ADRA1A: variants seen among roughly 807,000 people sequenced by gnomAD.
ADRA1A encodes the protein alpha-1A adrenergic receptor.
A neutral mutation model predicts 29.6 loss-of-function variants in ADRA1A; 31 were observed. The ratio of observed to expected loss-of-function variants is 1.05; its 90% CI spans 0.79 to 1.41. The LOEUF (loss-of-function observed/expected upper bound fraction) is 1.41. Ranked by LOEUF, ADRA1A falls within the 40% of genes most tolerant of loss-of-function variation. ADRA1A has a pLI of 0.00. For missense variants in ADRA1A, 619 were observed against 601.1 expected, an observed-to-expected ratio of 1.03 and a Z score of -0.31; for synonymous variants, 311 against 254.3, an observed-to-expected ratio of 1.22 and a Z score of -2.12.
At chr8:26,750,790 C>T (rs1446503272) in intron 2 of ADRA1A, among the ~76,000 whole-genome samples, 3 of 152,182 alleles carry the variant, frequency 2.0e-5, no homozygotes, top group Admixed American at 6.5e-5. Context: ...AAGTTGTAGG[C>T]TGGGTGCAGT....
At chr8:26,760,332 T>G (rs1805435768) in intron 2 of ADRA1A, among the ~76,000 whole-genome samples, 1 of 152,162 alleles carries the variant, frequency 6.6e-6, no homozygotes, top group African/African-American at 2.4e-5. Flanking sequence ...ACCGTCTCAT[T>G]GTGCTCATGA....
chr8:26,831,365 G>A lies in ADRA1A; in HGVS notation c.883+32722C>T, dbSNP rs894015271. ...GAGAAGAGATGCCAATGATGACGAG[G>A]CAGAGAGAGAGAGAGAAGGAGAGAG... On this transcript the variant is annotated intron_variant, in intron 2 of 2. Transcript: ENST00000380573. This position sits in a 1 kb window ranked among gnomAD's most constrained non-coding sequence, Gnocchi z 5.2. 3.3e-5 allele frequency among the ~76,000 whole-genome samples: 5 copies of A among 152,182 alleles called. No individual in the cohort carries two copies. The highest frequency in any genetic ancestry group is 3.3e-4 in the Admixed American group (5 of 15,286).
intron 2 of ADRA1A, among the ~76,000 whole-genome samples, chr8:26,794,537 G>T (rs1323893144): frequency 6.6e-6 from 1 of 152,094 alleles, no homozygotes; most frequent in Non-Finnish European, 1.5e-5. Flanking sequence ...TTAGGTAAAT[G>T]AATGTGTGTG....
chr8:26,782,103 C>G (rs939916646), intron 2 of ADRA1A, among the ~76,000 whole-genome samples: 1 of 152,186 alleles, frequency 6.6e-6, no homozygotes, highest in Non-Finnish European at 1.5e-5. Context: ...TTGTGCGAAG[C>G]AGGAATATGA....
In ADRA1A at chr8:26,837,111, A is replaced by G. The variant is rs566812860; in HGVS notation, c.883+26976T>C. The stretch of plus-strand genomic sequence containing the variant: ...AAGGTAGATATACAATGGCTAGTAT[A>G]TAAGTGCTGAGAGATATTTGTCCTT... On this transcript the variant is annotated intron_variant, in intron 2 of 2. Coordinates refer to ENST00000380573, the MANE Select transcript of ADRA1A (RefSeq NM_000680.4). Among the ~76,000 whole-genome samples, 3 of 152,028 alleles carry G rather than the reference A, an allele frequency of 2.0e-5. No homozygotes were observed. In the East Asian group the frequency reaches 5.8e-4, roughly 29 times the overall value.
At chr8:26,764,564 G>A (rs73678230), downstream of ADRA1A, among the ~76,000 whole-genome samples, 1,922 of 152,222 alleles carry the variant, frequency 0.013, 44 homozygotes, top group African/African-American at 0.043. Flanking sequence ...GAGGTGTCAT[G>A]GAAAAAGGAG....
chr8:26,793,912 G>A (rs1808005289), intron 2 of ADRA1A, among the ~76,000 whole-genome samples: 1 of 151,854 alleles, frequency 6.6e-6, no homozygotes. Flanking sequence ...TTCAAAGCTA[G>A]CATAATCTTG....
In ADRA1A at chr8:26,860,764, A is replaced by G. The variant is rs1007377606; in HGVS notation, c.883+3323T>C. Among the ~76,000 whole-genome samples, 2 of 151,768 alleles carry G rather than the reference A, an allele frequency of 1.3e-5. No homozygotes were observed. Among genetic ancestry groups the G allele is most frequent in the Admixed American group, 1.3e-4 (2 of 15,238 alleles). On this transcript the variant is annotated intron_variant, in intron 2 of 2. Coordinates refer to ENST00000380573, the MANE Select transcript of ADRA1A (RefSeq NM_000680.4). This position sits in a 1 kb window ranked among gnomAD's most constrained non-coding sequence, Gnocchi z 4.7. ...ACTTTGCTCTCCTTGTCACTTCCCA[A>G]TGCTCCCCTTGGGCACTGAATCCCG...
At chr8:26,772,468 G>A (rs1242888685) in intron 2 of ADRA1A, among the ~76,000 whole-genome samples, 1 of 152,068 alleles carries the variant, frequency 6.6e-6, no homozygotes. Flanking sequence ...TCACAGCTTC[G>A]TGTACAGTTG....
rs139504085 is a variant in ADRA1A, at chr8:26,802,782, T to C, written c.884-32116A>G. ...GGAGACATCTGCATTCCCATGTTTT[T>C]GGCAACACTATTCACAATAGCCAAG... On this transcript the variant is annotated intron_variant, in intron 2 of 2. Transcript: ENST00000380573. 4.0e-3 allele frequency among the ~76,000 whole-genome samples: 612 copies of C among 152,310 alleles called. 2 individuals are homozygous for C. Among genetic ancestry groups the C allele is most frequent in the Non-Finnish European group, 5.5e-3 (375 of 68,024 alleles).
At chr8:26,853,053 T>A (rs1363093601) in intron 2 of ADRA1A, among the ~76,000 whole-genome samples, 1 of 152,132 alleles carries the variant, frequency 6.6e-6, no homozygotes, top group Non-Finnish European at 1.5e-5. Context: ...AAAGATTATA[T>A]TGATGGATAT....
chr8:26,814,026 C>T (rs1260847614), intron 2 of ADRA1A, among the ~76,000 whole-genome samples: 5 of 152,032 alleles, frequency 3.3e-5, no homozygotes, highest in Non-Finnish European at 5.9e-5. Flanking sequence ...TTAGCTAGCA[C>T]AATATTTTTA....
At chr8:26,797,468 T>C (rs1305992195) in intron 2 of ADRA1A, among the ~76,000 whole-genome samples, 1 of 151,974 alleles carries the variant, frequency 6.6e-6, no homozygotes, top group Non-Finnish European at 1.5e-5. Flanking sequence ...GGCTAATTTT[T>C]TGATTTTTTT....
downstream of ADRA1A, among the ~76,000 whole-genome samples, chr8:26,765,118 G>A (rs1255803870): frequency 6.6e-6 from 1 of 152,164 alleles, no homozygotes; most frequent in Non-Finnish European, 1.5e-5. Flanking sequence ...TGCTTTAAGC[G>A]ACGTCTATGG....
intron 2 of ADRA1A, among the ~76,000 whole-genome samples, chr8:26,788,654 T>C (rs1807584577): frequency 6.6e-6 from 1 of 152,106 alleles, no homozygotes; most frequent in African/African-American, 2.4e-5. Context: ...TTATCCCCAT[T>C]TTACAAATGA....
In ADRA1A at chr8:26,867,105, T is replaced by G; in HGVS notation, c.-856A>C. ...CTGACTCACCCCTCCACCACTGATG[T>G]CTTTAAGCTCCTGAACCGCTGTCAC... On this transcript the variant is annotated 5_prime_UTR_variant, in exon 1 of 3. Coordinates refer to ENST00000380573, the MANE Select transcript of ADRA1A (RefSeq NM_000680.4). 3.0e-6 allele frequency: 3 copies of G among 985,440 alleles called. No homozygotes were observed. Among genetic ancestry groups the G allele is most frequent in the Non-Finnish European group, 3.6e-6 (3 of 829,942 alleles). 61.0% of individuals were successfully genotyped at this position (985,440 alleles called of 1,614,324 possible).
chr8:26,790,789 A>G (rs1165742092), intron 2 of ADRA1A, among the ~76,000 whole-genome samples: 1 of 152,220 alleles, frequency 6.6e-6, no homozygotes, highest in Non-Finnish European at 1.5e-5. Flanking sequence ...AAAACTTCCT[A>G]ACATAGAAAT....
In ADRA1A at chr8:26,866,697, A is replaced by T. The variant is rs1410982300; in HGVS notation, c.-687+239T>A. On this transcript the variant is annotated intron_variant, in intron 1 of 2. Coordinates refer to ENST00000380573, the MANE Select transcript of ADRA1A (RefSeq NM_000680.4). This position sits in a 1 kb window ranked among gnomAD's most constrained non-coding sequence, Gnocchi z 5.7. ...TGGTATTAAAAACGTGCCACTGCAG[A>T]AACCCTTTTCCTCCTACCTCGAGGG... Among the ~76,000 whole-genome samples, 1 of 152,218 alleles carries T rather than the reference A, an allele frequency of 6.6e-6. No homozygotes were observed. The highest frequency in any genetic ancestry group is 1.5e-5 in the Non-Finnish European group (1 of 68,036).
chr8:26,767,157 C>T (rs888786319), downstream of ADRA1A, among the ~76,000 whole-genome samples: 3 of 152,160 alleles, frequency 2.0e-5, no homozygotes, highest in Non-Finnish European at 4.4e-5. Context: ...AGAATAAACT[C>T]AAACTTGCCC....
Sources: allele counts gnomAD v4.1 joint callset (sites outside exome capture counted in the v4.1 genomes callset), GRCh38; gene constraint gnomAD v4.1.1; non-coding constraint Gnocchi (gnomAD v3.1); transcripts MANE v1.5; gene names NCBI Gene and HGNC (gene_info 2026-07-23, HGNC 2026-07-21).